Variants in KIRREL3 observed in about 807,000 individuals in gnomAD.
KIRREL3 encodes kin of IRRE-like protein 3.
Under a neutral mutation model 89.7 loss-of-function variants are expected in KIRREL3, and 36 were observed. That is an observed-to-expected ratio of 0.40 (90% CI 0.31 to 0.53). KIRREL3 has a LOEUF of 0.53. KIRREL3 is among the 20% of genes least tolerant of loss of function. The pLI, the probability that KIRREL3 is intolerant of heterozygous loss-of-function variation, is 0.49. For missense variants in KIRREL3, 864 were observed against 1,056.6 expected, an observed-to-expected ratio of 0.82 and a Z score of 2.53; for synonymous variants, 445 against 441.4, an observed-to-expected ratio of 1.01 and a Z score of -0.10.
chr11:126,779,183 G>T (rs1308784489), intron 1 of KIRREL3, among the ~76,000 whole-genome samples: 1 of 152,164 alleles, frequency 6.6e-6, no homozygotes, highest in Non-Finnish European at 1.5e-5. Flanking sequence ...GCTCCTCATT[G>T]TCCATACATG....
intron 1 of KIRREL3, among the ~76,000 whole-genome samples, chr11:126,819,659 G>A (rs1106805): frequency 2.6e-5 from 4 of 152,218 alleles, no homozygotes; most frequent in African/African-American, 9.6e-5. Flanking sequence ...AGGCAGGAAC[G>A]CTCACATACA....
In KIRREL3 at chr11:126,527,667, TG is replaced by T. The variant is rs1296968160; in HGVS notation, c.134-981del. On this transcript the variant is annotated intron_variant, in intron 2 of 16. Transcript: ENST00000525144. This position sits in a 1 kb window ranked among gnomAD's most constrained non-coding sequence, Gnocchi z 4.2. Reference sequence around the variant, plus strand: ...AGTTATCACCGTGGCAACACTCGAATGGGGCATTGTCAACCCCATTTGACAG... The same window carrying T: ...AGTTATCACCGTGGCAACACTCGAATGGGCATTGTCAACCCCATTTGACAG... Among the ~76,000 whole-genome samples, 1 of 152,144 alleles carries T rather than the reference TG, an allele frequency of 6.6e-6. No individual in the cohort carries two copies. Among genetic ancestry groups the T allele is most frequent in the African/African-American group, 2.4e-5 (1 of 41,424 alleles).
chr11:126,862,711 C>T (rs1944743805), intron 1 of KIRREL3, among the ~76,000 whole-genome samples: 1 of 152,242 alleles, frequency 6.6e-6, no homozygotes, highest in African/African-American at 2.4e-5. Context: ...ACCCTAACTC[C>T]ATCAGGCCTC....
chr11:126,442,738 G>A (rs551493513), intron 10 of KIRREL3, among the ~76,000 whole-genome samples: 3 of 152,346 alleles, frequency 2.0e-5, no homozygotes, highest in Non-Finnish European at 2.9e-5. Flanking sequence ...CAGACAGTTC[G>A]CCCCCTGGCA....
At chr11:126,920,752 C>T (rs960724080) in intron 1 of KIRREL3, among the ~76,000 whole-genome samples, 5 of 152,198 alleles carry the variant, frequency 3.3e-5, no homozygotes, top group Non-Finnish European at 7.3e-5. Flanking sequence ...CATGGTCCAT[C>T]ACTTCAACCT....
rs1367316822 is a variant in KIRREL3, at chr11:126,778,965, C to T, written c.56-216053G>A. ...AGGTAATACATGTAAGAGCACCTAGCGCGGAACTTGGAACACAGCAGAAAC... is the reference window on the plus strand; with the variant it reads ...AGGTAATACATGTAAGAGCACCTAGTGCGGAACTTGGAACACAGCAGAAAC... On this transcript the variant is annotated intron_variant, in intron 1 of 16. Coordinates refer to ENST00000525144, the MANE Select transcript of KIRREL3 (RefSeq NM_032531.4). The surrounding 1 kb of genome is among the most constrained non-coding windows in gnomAD (Gnocchi z 4.5). Among the ~76,000 whole-genome samples, 2 of 152,182 alleles carry T rather than the reference C, an allele frequency of 1.3e-5. No individual in the cohort carries two copies. The highest frequency in any genetic ancestry group is 3.9e-4 in the East Asian group (2 of 5,194).
In KIRREL3 at chr11:126,431,922, G is replaced by A. The variant is rs532669077; in HGVS notation, c.1589-396C>T. Among the ~76,000 whole-genome samples, 2 of 152,326 alleles carry A rather than the reference G, an allele frequency of 1.3e-5. No homozygotes were observed. The highest frequency in any genetic ancestry group is 6.5e-5 in the Admixed American group (1 of 15,308). On this transcript the variant is annotated intron_variant, in intron 13 of 16. Coordinates refer to ENST00000525144, the MANE Select transcript of KIRREL3 (RefSeq NM_032531.4). The surrounding 1 kb of genome is among the most constrained non-coding windows in gnomAD (Gnocchi z 7.1). The stretch of plus-strand genomic sequence containing the variant: ...ATCACACAGCGGCCAGTGAGTCATA[G>A]GCCCTGGCTTTTTTTGAAAAATGAC...
intron 4 of KIRREL3, among the ~76,000 whole-genome samples, chr11:126,482,478 AT>A (rs949451892): frequency 2.6e-5 from 4 of 152,222 alleles, no homozygotes; most frequent in African/African-American, 7.2e-5. Flanking sequence ...TAAAATATGA[AT>A]TAAAATAACA....
chr11:126,899,821 C>CA (rs35397247), intron 1 of KIRREL3, among the ~76,000 whole-genome samples: 1 of 152,176 alleles, frequency 6.6e-6, no homozygotes, highest in Non-Finnish European at 1.5e-5. Context: ...AAGTAATCCT[C>CA]AAACCTGGTC....
In KIRREL3 at chr11:126,739,354, G is replaced by C. The variant is rs890287653; in HGVS notation, c.56-176442C>G. Among the ~76,000 whole-genome samples, 6 of 152,232 alleles carry C rather than the reference G, an allele frequency of 3.9e-5. No individual in the cohort carries two copies. Among genetic ancestry groups the C allele is most frequent in the African/African-American group, 1.4e-4 (6 of 41,450 alleles). On this transcript the variant is annotated intron_variant, in intron 1 of 16. Coordinates refer to ENST00000525144, the MANE Select transcript of KIRREL3 (RefSeq NM_032531.4). The surrounding 1 kb of genome is among the most constrained non-coding windows in gnomAD (Gnocchi z 5.5). ...TCCTCTGCATAACACCCTTGTGTAGGAGGCTGGGTAGACATTACTAAATTA... is the reference window on the plus strand; with the variant it reads ...TCCTCTGCATAACACCCTTGTGTAGCAGGCTGGGTAGACATTACTAAATTA...
In KIRREL3 at chr11:126,521,562, T is replaced by A; in HGVS notation, c.284-98A>T. 1 of 1,099,186 alleles carries A rather than the reference T, an allele frequency of 9.1e-7. No individual in the cohort carries two copies. Among genetic ancestry groups the A allele is most frequent in the Non-Finnish European group, 1.3e-6 (1 of 771,062 alleles). The allele number at this position is 1,099,186 out of a possible 1,614,324, so 68.1% of individuals were successfully genotyped here. On this transcript the variant is annotated intron_variant, in intron 3 of 16. Transcript: ENST00000525144. This position sits in a 1 kb window ranked among gnomAD's most constrained non-coding sequence, Gnocchi z 4.1. ...TGGAGGACCCAAGCAGGGGCCATTC[T>A]ACAAGGCTGGCAGAGCGGGTGATTG...
At position 126,768,262 on chromosome 11, in the gene KIRREL3, CCATCCATCCATCCATT is replaced by C. The variant is rs1017336592; in HGVS notation, c.56-205366_56-205351del. 6.7e-6 allele frequency among the ~76,000 whole-genome samples: 1 copy of C among 150,304 alleles called. No homozygotes were observed. Among genetic ancestry groups the C allele is most frequent in the Non-Finnish European group, 1.5e-5 (1 of 67,978 alleles). ...TCTGTCCATCCATACATGCATCCAC[CCATCCATCCATCCATT>C]CATCCATCCATCCATCCATCCATCC... On this transcript the variant is annotated intron_variant, in intron 1 of 16. Transcript: ENST00000525144. The surrounding 1 kb of genome is among the most constrained non-coding windows in gnomAD (Gnocchi z 4.5).
chr11:126,723,571 T>C lies in KIRREL3; in HGVS notation c.56-160659A>G, dbSNP rs1008687339. Among the ~76,000 whole-genome samples, 2 of 152,234 alleles carry C rather than the reference T, an allele frequency of 1.3e-5. No homozygotes were observed. Among genetic ancestry groups the C allele is most frequent in the Non-Finnish European group, 2.9e-5 (2 of 68,040 alleles). ...CCTAAACCCTTCTCCTCTATGCTTT[T>C]AAAATAAAGGCCTTAGTGGATCTCA... On this transcript the variant is annotated intron_variant, in intron 1 of 16. Transcript: ENST00000525144. This position sits in a 1 kb window ranked among gnomAD's most constrained non-coding sequence, Gnocchi z 4.0.
At chr11:126,637,238 C>T (rs1190905677) in intron 1 of KIRREL3, among the ~76,000 whole-genome samples, 1 of 152,166 alleles carries the variant, frequency 6.6e-6, no homozygotes, top group Non-Finnish European at 1.5e-5. Context: ...TTTTGATTTC[C>T]ATATGGGCTG....
At chr11:126,962,138 C>G (rs938673873) in intron 1 of KIRREL3, among the ~76,000 whole-genome samples, 6 of 152,162 alleles carry the variant, frequency 3.9e-5, no homozygotes, top group Non-Finnish European at 8.8e-5. Flanking sequence ...TATTTCAAAT[C>G]AAAAAGTAAT....
At position 126,877,272 on chromosome 11, in the gene KIRREL3, G is replaced by T. The variant is rs973386593; in HGVS notation, c.55+123183C>A. On this transcript the variant is annotated intron_variant, in intron 1 of 16. Transcript: ENST00000525144. This position sits in a 1 kb window ranked among gnomAD's most constrained non-coding sequence, Gnocchi z 4.9. ...CCAGCCAAGAGCTGCATTACATCTGGAACTGGGCTCAGATAGCAAAAGAGC... is the reference window on the plus strand; with the variant it reads ...CCAGCCAAGAGCTGCATTACATCTGTAACTGGGCTCAGATAGCAAAAGAGC... Among the ~76,000 whole-genome samples the T allele has an allele frequency of 3.9e-5, 6 of 152,226 alleles. No individual in the cohort carries two copies. The highest frequency in any genetic ancestry group is 7.3e-5 in the Non-Finnish European group (5 of 68,038).
At chr11:126,911,085 G>C (rs1946797419) in intron 1 of KIRREL3, among the ~76,000 whole-genome samples, 1 of 152,184 alleles carries the variant, frequency 6.6e-6, no homozygotes, top group Non-Finnish European at 1.5e-5. Flanking sequence ...GCACAGAAGA[G>C]AGCAGGAGGG....
chr11:126,457,335 ATATG>A (rs997550728), intron 6 of KIRREL3, among the ~76,000 whole-genome samples: 6 of 144,646 alleles, frequency 4.1e-5, no homozygotes, highest in African/African-American at 1.0e-4. Flanking sequence ...GTGTATGTGT[ATATG>A]TGTGTGTGTA....
In KIRREL3 at chr11:126,771,550, C is replaced by G. The variant is rs1390097726; in HGVS notation, c.56-208638G>C. 6.6e-6 allele frequency among the ~76,000 whole-genome samples: 1 copy of G among 152,134 alleles called. No homozygotes were observed. Among genetic ancestry groups the G allele is most frequent in the African/African-American group, 2.4e-5 (1 of 41,428 alleles). On this transcript the variant is annotated intron_variant, in intron 1 of 16. Transcript: ENST00000525144. This position sits in a 1 kb window ranked among gnomAD's most constrained non-coding sequence, Gnocchi z 4.4. ...TTGCCATTAAAAGTAACAGCAAAAC[C>G]TGCAATTACTTTTGCACCAACCGAA...
Sources: allele counts gnomAD v4.1 joint callset (sites outside exome capture counted in the v4.1 genomes callset), GRCh38; gene constraint gnomAD v4.1.1; non-coding constraint Gnocchi (gnomAD v3.1); transcripts MANE v1.5; gene names NCBI Gene and HGNC (gene_info 2026-07-23, HGNC 2026-07-21).